Variants in KCTD3 observed in about 807,000 individuals in gnomAD.
The protein encoded by KCTD3 is potassium channel tetramerization domain containing 3.
In KCTD3, 41 loss-of-function variants were observed where a neutral mutation model predicts 85.8. The ratio of observed to expected loss-of-function variants is 0.48; its 90% CI spans 0.37 to 0.62. The LOEUF (loss-of-function observed/expected upper bound fraction) is 0.62. KCTD3 is among the 20% of genes least tolerant of loss of function. The pLI is 0.00. For missense variants in KCTD3, 724 were observed against 989.9 expected (o/e 0.73, Z 3.60); for synonymous variants, 338 against 345.4 (o/e 0.98, Z 0.24).
In KCTD3 at chr1:215,611,912, C is replaced by T; in HGVS notation, c.1553C>T (p.Thr518Ile). 6.3e-7 allele frequency: 1 copy of T among 1,596,282 alleles called. No individual in the cohort carries two copies. Among genetic ancestry groups the T allele is most frequent in the Non-Finnish European group, 8.6e-7 (1 of 1,165,306 alleles). The change falls in exon 15 of 18, where the codon ACT (threonine) becomes ATT (isoleucine). Residue 518 changes from threonine to isoleucine, a missense_variant. By Grantham distance (89) the Thr-to-Ile change is moderately conservative. Transcript: ENST00000259154. ...AAACTATTTGTAAGACTCTCATCGA[C>T]TGGAAAAAGGTAACACTTTATTGTA... ...TNKLFVRLSS[T>I]GKRICEIQAV...
Position 215,620,622 on chromosome 1 carries a change from C to T in KCTD3, c.*4C>T. On this transcript the variant is annotated 3_prime_UTR_variant, in exon 18 of 18. Coordinates refer to ENST00000259154, the MANE Select transcript of KCTD3 (RefSeq NM_016121.5). ...AGGTCAGGAGTACAGCTTGTGAAAACTCACCAAAATGAATAGTTGTTTCGT... is the reference window on the plus strand; with the variant it reads ...AGGTCAGGAGTACAGCTTGTGAAAATTCACCAAAATGAATAGTTGTTTCGT... The T allele has an allele frequency of 6.4e-7, 1 of 1,553,876 alleles. No homozygotes were observed. Among genetic ancestry groups the T allele is most frequent in the Middle Eastern group, 1.7e-4 (1 of 5,810 alleles).
intron 6 of KCTD3, among the ~76,000 whole-genome samples, 165 bp from the exon 7 acceptor site, chr1:215,578,832 CATT>C (rs1259329488): frequency 6.6e-6 from 1 of 151,846 alleles, no homozygotes; most frequent in Non-Finnish European, 1.5e-5. Flanking sequence ...TTTTCATTTT[CATT>C]TTATTTTTTA....
In KCTD3 at chr1:215,620,508, TC is replaced by T. The variant is rs1655631710; in HGVS notation, c.2340del (p.Asp781MetfsTer41). The T allele has an allele frequency of 6.2e-7, 1 of 1,613,564 alleles. No homozygotes were observed. Among genetic ancestry groups the T allele is most frequent in the Non-Finnish European group, 8.5e-7 (1 of 1,179,566 alleles). Reference protein sequence around the residue: ...VPYLASSPSTSDGGTDSPGTA... With the variant: ...VPYLASSPSTXDGGTDSPGTA... ...CTATCTGGCGTCATCACCAAGTACT[TC>T]CGATGGAGGAACTGACTCACCTGGT... On this transcript the variant is annotated frameshift_variant, in exon 18 of 18. Coordinates refer to ENST00000259154, the MANE Select transcript of KCTD3 (RefSeq NM_016121.5). LOFTEE classifies it high-confidence loss of function.
chr1:215,606,021 A>T (rs750541734), intron 13 of KCTD3, among the ~76,000 whole-genome samples: 2 of 152,134 alleles, frequency 1.3e-5, no homozygotes, highest in Non-Finnish European at 2.9e-5. Context: ...AATAAATTTA[A>T]ATTTCTACCA....
At chr1:215,593,529 C>T (rs746718675) in intron 9 of KCTD3, among the ~76,000 whole-genome samples, 15 of 152,150 alleles carry the variant, frequency 9.9e-5, no homozygotes, top group Non-Finnish European at 2.1e-4. Context: ...ATACCTAGCA[C>T]CAGTATAAGA....
intron 10 of KCTD3, among the ~76,000 whole-genome samples, chr1:215,596,293 A>G (rs1660414783): frequency 6.6e-6 from 1 of 152,164 alleles, no homozygotes; most frequent in African/African-American, 2.4e-5. Flanking sequence ...ATTGATTAAT[A>G]TGTTTACTTT....
In KCTD3 at chr1:215,620,831, A is replaced by G. The variant is rs1279519589; in HGVS notation, c.*213A>G. 4 of 485,348 alleles carry G rather than the reference A, an allele frequency of 8.2e-6. No individual in the cohort carries two copies. The East Asian group carries it at 1.3e-4, about 16-fold the overall frequency. 30.1% of individuals were successfully genotyped at this position (485,348 alleles called of 1,614,324 possible). On this transcript the variant is annotated 3_prime_UTR_variant, in exon 18 of 18. Coordinates refer to ENST00000259154, the MANE Select transcript of KCTD3 (RefSeq NM_016121.5). ...TTTTTTAATTTTACAAGTACATTTAACAGATCATTTATAAAGCAGGAGTCC... is the reference window on the plus strand; with the variant it reads ...TTTTTTAATTTTACAAGTACATTTAGCAGATCATTTATAAAGCAGGAGTCC...
intron 1 of KCTD3, among the ~76,000 whole-genome samples, chr1:215,569,933 G>A (rs756026995): frequency 1.3e-5 from 2 of 152,124 alleles, no homozygotes; most frequent in Non-Finnish European, 2.9e-5. Flanking sequence ...AAGTAGTAAT[G>A]GTATGGCCCG....
intron 15 of KCTD3, among the ~76,000 whole-genome samples, chr1:215,617,100 A>C (rs2102608191): frequency 6.6e-6 from 1 of 152,372 alleles, no homozygotes; most frequent in East Asian, 1.9e-4. Flanking sequence ...AGATAGCTGA[A>C]AACCTGGAGG....
chr1:215,615,199 T>C (rs1217668047), intron 15 of KCTD3, among the ~76,000 whole-genome samples: 1 of 152,184 alleles, frequency 6.6e-6, no homozygotes, highest in Non-Finnish European at 1.5e-5. Context: ...TATAAAGCTA[T>C]AGTGAACCAA....
intron 9 of KCTD3, among the ~76,000 whole-genome samples, chr1:215,592,155 T>G (rs1259450762): frequency 2.6e-5 from 4 of 152,202 alleles, no homozygotes; most frequent in Admixed American, 1.3e-4. Flanking sequence ...TCACAACACC[T>G]GGGAACTACA....
At position 215,586,689 on chromosome 1, in the gene KCTD3, G is replaced by A. The variant is rs367892719; in HGVS notation, c.817+4G>A. 5 of 1,600,858 alleles carry A rather than the reference G, an allele frequency of 3.1e-6. No homozygotes were observed. The highest frequency in any genetic ancestry group is 4.3e-6 in the Non-Finnish European group (5 of 1,171,560). ...GGGGGAAGTGGAAGTGAAATTGGTA[G>A]GAAGAATCTTGTTTATGTTGCAATT... is the stretch of plus-strand genomic sequence containing the variant. On this transcript the variant is annotated splice_donor_region_variant and intron_variant, in intron 9 of 17. Transcript: ENST00000259154.
intron 1 of KCTD3, among the ~76,000 whole-genome samples, chr1:215,571,459 A>C (rs1046807684): frequency 6.6e-6 from 1 of 151,920 alleles, no homozygotes; most frequent in Non-Finnish European, 1.5e-5. Context: ...AACCTGTGAA[A>C]TTAGTTAGTA....
At chr1:215,590,285 C>G (rs1292672851) in intron 9 of KCTD3, among the ~76,000 whole-genome samples, 1 of 152,078 alleles carries the variant, frequency 6.6e-6, no homozygotes. Context: ...ATGAGGTTGT[C>G]ATCCTGTTAC....
At chr1:215,593,217 C>T (rs1242860026) in intron 9 of KCTD3, among the ~76,000 whole-genome samples, 1 of 152,124 alleles carries the variant, frequency 6.6e-6, no homozygotes, top group Non-Finnish European at 1.5e-5. Context: ...ATTTCTTAAC[C>T]AATTCTGGGC....
intron 15 of KCTD3, 101 bp downstream of exon 15, chr1:215,612,022 A>G: frequency 1.3e-6 from 1 of 747,704 alleles, no homozygotes; most frequent in South Asian, 1.7e-5. Context: ...GCTACTAGAA[A>G]CAAATTGTTG....
At chr1:215,597,210 C>T (rs1654615298) in intron 10 of KCTD3, among the ~76,000 whole-genome samples, 2 of 149,454 alleles carry the variant, frequency 1.3e-5, no homozygotes, top group Admixed American at 1.3e-4. Flanking sequence ...AGCGTTGACT[C>T]TGATTTGGGT....
chr1:215,594,021 A>G (rs1412584326), intron 9 of KCTD3, among the ~76,000 whole-genome samples: 1 of 151,738 alleles, frequency 6.6e-6, no homozygotes, highest in Non-Finnish European at 1.5e-5. Context: ...TACCATACCC[A>G]GCTAATTTTT....
intron 8 of KCTD3, 64 bp downstream of exon 8, chr1:215,580,063 A>G: frequency 9.4e-7 from 1 of 1,064,700 alleles, no homozygotes; most frequent in Non-Finnish European, 1.4e-6. Context: ...TTGTGATTTT[A>G]TATTTTTAGA....
Sources: gnomAD v4.1 joint callset for allele counts (sites outside exome capture counted in the v4.1 genomes callset) on GRCh38, gnomAD v4.1.1 for gene constraint, MANE v1.5 for transcripts, NCBI Gene and HGNC (gene_info 2026-07-23, HGNC 2026-07-21) for gene names.